The following EPB41 variants were observed in gnomAD, a reference collection of about 807,000 sequenced individuals.
The protein encoded by EPB41 is protein 4.1.
Under a neutral mutation model 108.0 loss-of-function variants are expected in EPB41, and 65 were observed. The ratio of observed to expected loss-of-function variants is 0.60; its 90% confidence interval spans 0.49 to 0.74. The LOEUF (loss-of-function observed/expected upper bound fraction) is 0.74. Among genes scored for constraint, EPB41 ranks in the 30% least tolerant of loss-of-function variants. EPB41 has a pLI of 0.00. For synonymous variants in EPB41, 336 were observed against 358.9 expected, an observed-to-expected ratio of 0.94 and a Z score of 0.72; for missense variants, 875 against 1,037.0, an observed-to-expected ratio of 0.84 and a Z score of 2.15.
At chr1:28,985,098 G>A (rs2095844580) in intron 1 of EPB41, among the ~76,000 whole-genome samples, 1 of 152,030 alleles carries the variant, frequency 6.6e-6, no homozygotes, top group Non-Finnish European at 1.5e-5. Context: ...CTGAGTAGCT[G>A]GATTACAAGC....
At chr1:28,903,792 G>T (rs1280636402) in intron 1 of EPB41, among the ~76,000 whole-genome samples, 5 of 152,140 alleles carry the variant, frequency 3.3e-5, no homozygotes, top group Non-Finnish European at 7.3e-5. Context: ...GCCTGGACTC[G>T]CATAGCATCT....
chr1:29,033,797 C>A (rs887988583), intron 9 of EPB41, among the ~76,000 whole-genome samples: 13 of 152,036 alleles, frequency 8.6e-5, no homozygotes, highest in African/African-American at 2.4e-5. Context: ...ATTGAAGAGC[C>A]ATTATGGAAT....
At chr1:28,985,577 C>T (rs956879271) in intron 1 of EPB41, 1 of 152,180 alleles carries the variant, frequency 6.6e-6, no homozygotes, top group Admixed American at 6.6e-5. Context: ...GGAGACCAGC[C>T]TTCAAATAGG....
chr1:29,071,329 T>C (rs1182466097), intron 16 of EPB41: 1 of 152,216 alleles, frequency 6.6e-6, no homozygotes, highest in Non-Finnish European at 1.5e-5. Flanking sequence ...AAAATGGTGC[T>C]GGTGCCCCTT....
At chr1:29,004,567 T>C (rs72649237) in intron 4 of EPB41, among the ~76,000 whole-genome samples, 27 of 152,346 alleles carry the variant, frequency 1.8e-4, no homozygotes, top group Admixed American at 1.2e-3. Context: ...GTTGTATCTT[T>C]ATTGTCTGGC....
chr1:29,045,417 G>A (rs972944104), intron 11 of EPB41, among the ~76,000 whole-genome samples: 26 of 151,784 alleles, frequency 1.7e-4, no homozygotes, highest in Non-Finnish European at 2.8e-4. Flanking sequence ...GCGATGGAGC[G>A]ATCACAAGTC....
intron 1 of EPB41, among the ~76,000 whole-genome samples, chr1:28,944,439 C>T (rs1192268946): frequency 6.6e-6 from 1 of 151,454 alleles, no homozygotes; most frequent in Non-Finnish European, 1.5e-5. Flanking sequence ...GTGCTTCTTT[C>T]ATTTTGCATG....
intron 7 of EPB41, among the ~76,000 whole-genome samples, chr1:29,020,091 T>C (rs940505653): frequency 1.3e-5 from 2 of 152,082 alleles, no homozygotes; most frequent in African/African-American, 4.8e-5. Flanking sequence ...ATTTTTGAGA[T>C]GGAATCTTGG....
intron 1 of EPB41, among the ~76,000 whole-genome samples, chr1:28,929,289 T>A (rs2093610115): frequency 6.6e-6 from 1 of 151,370 alleles, no homozygotes; most frequent in Non-Finnish European, 1.5e-5. Flanking sequence ...GCAGTGGCGC[T>A]GTCTCAGCTC....
intron 1 of EPB41, among the ~76,000 whole-genome samples, chr1:28,961,254 TAATA>T (rs1201333910): frequency 6.6e-6 from 1 of 152,162 alleles, no homozygotes; most frequent in Non-Finnish European, 1.5e-5. Flanking sequence ...CTTTCCTATA[TAATA>T]AATATGTGTT....
chr1:29,058,104 T>G (rs1645865966), intron 12 of EPB41, among the ~76,000 whole-genome samples: 1 of 152,366 alleles, frequency 6.6e-6, no homozygotes, highest in African/African-American at 2.4e-5. Context: ...ATGTGGTTTA[T>G]TACATGTGTG....
At chr1:29,098,370 T>G (rs1663995947) in intron 17 of EPB41, among the ~76,000 whole-genome samples, 1 of 152,152 alleles carries the variant, frequency 6.6e-6, no homozygotes, top group Non-Finnish European at 1.5e-5. Context: ...AATTTTTTTG[T>G]ATTTTCAGTA....
At chr1:28,906,630 C>T (rs2091847983) in intron 1 of EPB41, among the ~76,000 whole-genome samples, 2 of 152,140 alleles carry the variant, frequency 1.3e-5, no homozygotes, top group Non-Finnish European at 2.9e-5. Flanking sequence ...GGTCTTGGGA[C>T]AGATATTAAT....
In EPB41 at chr1:29,107,776, G is replaced by C. The variant is rs556863465; in HGVS notation, c.2314-1560G>C. ...TGAGGCAGGAGAATTGCTTGAACCT[G>C]GGAGGCAGAGGTTGCAGTGAGCCGA... On this transcript the variant is annotated intron_variant, in intron 17 of 20. Transcript: ENST00000343067. Among the ~76,000 whole-genome samples, 4 of 143,056 alleles carry C rather than the reference G, an allele frequency of 2.8e-5. No individual in the cohort carries two copies. The South Asian group carries it at 9.1e-4, about 33-fold the overall frequency. 93.9% of individuals were successfully genotyped at this position (143,056 alleles called of 152,430 possible).
At chr1:28,911,201 G>A, upstream of EPB41, 1 of 982,986 alleles carries the variant, frequency 1.0e-6, no homozygotes, top group Non-Finnish European at 1.2e-6. Context: ...TGGGCACTTA[G>A]CCTAACAACT....
intron 4 of EPB41, among the ~76,000 whole-genome samples, chr1:29,008,565 A>T (rs1164869741): frequency 6.6e-6 from 1 of 152,158 alleles, no homozygotes; most frequent in Non-Finnish European, 1.5e-5. Flanking sequence ...TAACCATTAT[A>T]TTCTGCTGGA....
intron 4 of EPB41, among the ~76,000 whole-genome samples, chr1:29,002,062 T>C (rs923019698): frequency 3.3e-5 from 5 of 152,204 alleles, no homozygotes; most frequent in Admixed American, 6.5e-5. Flanking sequence ...TGTTTTCTCA[T>C]TGGTAAAATG....
intron 16 of EPB41, chr1:29,096,277 C>T: frequency 1.0e-6 from 1 of 985,880 alleles, no homozygotes; most frequent in Non-Finnish European, 1.2e-6. Context: ...AGATGACCAC[C>T]TCGTCGGAGT....
At chr1:29,014,044 C>T in intron 5 of EPB41, among the ~76,000 whole-genome samples, 1 of 152,020 alleles carries the variant, frequency 6.6e-6, no homozygotes, top group South Asian at 2.1e-4. Flanking sequence ...TGGCCAGTTG[C>T]AGTGGCTCAC....
Sources: gnomAD v4.1 joint callset for allele counts (sites outside exome capture counted in the v4.1 genomes callset) on GRCh38, gnomAD v4.1.1 for gene constraint, MANE v1.5 for transcripts, NCBI Gene and HGNC (gene_info 2026-07-23, HGNC 2026-07-21) for gene names.